The following GSR variants were observed in gnomAD, a reference collection of about 807,000 sequenced individuals.
The protein encoded by GSR is glutathione-disulfide reductase, also known as glutathione reductase, mitochondrial.
Under a neutral mutation model 56.5 loss-of-function variants are expected in GSR, and 48 were observed. The ratio of observed to expected loss-of-function variants is 0.85; its 90% CI spans 0.67 to 1.08. The LOEUF (loss-of-function observed/expected upper bound fraction) is 1.08, where lower values mean the gene tolerates loss of function less well. Among genes scored for constraint, GSR ranks in the 50% least tolerant of loss-of-function variants. The pLI is 0.00. For synonymous variants in GSR, 264 were observed against 270.8 expected (o/e 0.97, Z 0.25); for missense variants, 694 against 703.3 (o/e 0.99, Z 0.15).
chr8:30,696,594 C>A (rs1264459121), intron 6 of GSR, 115 bp from the exon 7 acceptor site: 3 of 745,624 alleles, frequency 4.0e-6, no homozygotes, highest in East Asian at 2.6e-5. Flanking sequence ...ACCCCTTGAT[C>A]AGTTTTCCCT....
At chr8:30,690,831 G>A (rs756618952) in intron 8 of GSR, among the ~76,000 whole-genome samples, 25 of 152,270 alleles carry the variant, frequency 1.6e-4, no homozygotes, top group Non-Finnish European at 2.9e-4. Flanking sequence ...TTGGGAGGCC[G>A]AGGCTAGAGG....
intron 8 of GSR, among the ~76,000 whole-genome samples, chr8:30,689,798 T>C (rs1369159593): frequency 6.9e-6 from 1 of 144,172 alleles, no homozygotes; most frequent in African/African-American, 2.5e-5. Context: ...AATATACGTA[T>C]ATTTATATAT....
chr8:30,697,029 G>C (rs1374020778), intron 6 of GSR, among the ~76,000 whole-genome samples: 3 of 149,028 alleles, frequency 2.0e-5, no homozygotes, highest in Non-Finnish European at 3.0e-5. Flanking sequence ...TTTTTTTTCT[G>C]TTCCAAGATC....
intron 7 of GSR, among the ~76,000 whole-genome samples, chr8:30,695,099 A>G (rs1193558685): frequency 6.6e-6 from 1 of 152,010 alleles, no homozygotes; most frequent in Non-Finnish European, 1.5e-5. Context: ...ATGATCTACA[A>G]GATTCCCTTT....
intron 4 of GSR, among the ~76,000 whole-genome samples, chr8:30,703,950 A>AC (rs1203108501): frequency 6.6e-6 from 1 of 152,094 alleles, no homozygotes; most frequent in African/African-American, 2.4e-5. Context: ...TATGCAAGGC[A>AC]CCCCCGTAAG....
intron 1 of GSR, among the ~76,000 whole-genome samples, chr8:30,720,715 A>C (rs181163533): frequency 6.6e-6 from 1 of 152,332 alleles, no homozygotes; most frequent in Non-Finnish European, 1.5e-5. Context: ...AAAGCAAGAA[A>C]ATCAATGGAT....
At chr8:30,697,937 C>T (rs755838624) in intron 6 of GSR, among the ~76,000 whole-genome samples, 13 of 152,234 alleles carry the variant, frequency 8.5e-5, no homozygotes, top group East Asian at 1.9e-4. Context: ...GAAATTCGCT[C>T]GCCTCAGGCC....
rs540944009 is a variant in GSR at position 30,695,149 on chromosome 8, C to T, written c.795+1231G>A. On this transcript the variant is annotated intron_variant, in intron 7 of 12. Coordinates refer to ENST00000221130, the MANE Select transcript of GSR (RefSeq NM_000637.5). Reference sequence around the variant, plus strand: ...CGACCTGCAGCCTGCAGGCCGTGTGCGGACCAGGATGACTTTGAATGTGGC... The same window carrying T: ...CGACCTGCAGCCTGCAGGCCGTGTGTGGACCAGGATGACTTTGAATGTGGC... Among the ~76,000 whole-genome samples, 14 of 152,178 alleles carry T rather than the reference C, an allele frequency of 9.2e-5. No homozygotes were observed. The East Asian group carries it at 1.4e-3, about 15-fold the overall frequency.
chr8:30,708,891 G>T (rs901875940), intron 3 of GSR, among the ~76,000 whole-genome samples: 1 of 149,968 alleles, frequency 6.7e-6, no homozygotes, highest in Admixed American at 6.6e-5. Flanking sequence ...CCCGGTAGGC[G>T]GAGCGTGCAG....
intron 9 of GSR, among the ~76,000 whole-genome samples, chr8:30,687,245 G>A (rs1803193654): frequency 1.3e-5 from 2 of 152,240 alleles, no homozygotes; most frequent in South Asian, 4.1e-4. Flanking sequence ...TTAACATGCA[G>A]AAAAATGACC....
intron 1 of GSR, among the ~76,000 whole-genome samples, chr8:30,714,854 G>GC (rs1804273853): frequency 1.3e-5 from 2 of 152,140 alleles, no homozygotes; most frequent in African/African-American, 2.4e-5. Flanking sequence ...TTGGAAAACA[G>GC]TTTAATGATC....
intron 1 of GSR, among the ~76,000 whole-genome samples, chr8:30,716,179 G>C (rs1804327643): frequency 6.6e-6 from 1 of 152,212 alleles, no homozygotes; most frequent in Admixed American, 6.5e-5. Flanking sequence ...TACAGTGCCA[G>C]CCAGAGAGAG....
chr8:30,699,350 T>G (rs1053970283), intron 6 of GSR, among the ~76,000 whole-genome samples: 7 of 151,884 alleles, frequency 4.6e-5, no homozygotes, highest in Non-Finnish European at 7.4e-5. Flanking sequence ...GGCTCACATC[T>G]GTAATTCCAG....
At chr8:30,688,037 T>G (rs1803221449) in intron 9 of GSR, among the ~76,000 whole-genome samples, 1 of 152,180 alleles carries the variant, frequency 6.6e-6, no homozygotes, top group Non-Finnish European at 1.5e-5. Context: ...CATTCTAGAT[T>G]TTACTTCAAC....
chr8:30,679,706 CTTTT>C (rs10715710), intron 12 of GSR, 37 bp from the exon 13 acceptor site: 1,214 of 1,299,654 alleles, frequency 9.3e-4, no homozygotes, highest in Non-Finnish European at 1.0e-3. Flanking sequence ...TTTCTTTCTT[CTTTT>C]TTTTTTTTTT....
At chr8:30,701,335 G>T (rs570313324) in intron 5 of GSR, among the ~76,000 whole-genome samples, 2 of 152,104 alleles carry the variant, frequency 1.3e-5, no homozygotes, top group Non-Finnish European at 2.9e-5. Context: ...GTGTGGTGGC[G>T]CATGCCTGTA....
intron 2 of GSR, among the ~76,000 whole-genome samples, chr8:30,711,262 C>T (rs1056010741): frequency 3.3e-5 from 5 of 152,258 alleles, no homozygotes; most frequent in African/African-American, 1.2e-4. Flanking sequence ...GAGATTACAA[C>T]ATATGTTGAA....
chr8:30,696,605 A>G (rs549400183), intron 6 of GSR, 126 bp from the exon 7 acceptor site: 2 of 716,498 alleles, frequency 2.8e-6, no homozygotes, highest in East Asian at 2.7e-5. Flanking sequence ...AGTTTTCCCT[A>G]AAGTTAATAT....
At chr8:30,697,446 C>CAAAA (rs1411949076) in intron 6 of GSR, among the ~76,000 whole-genome samples, 9 of 150,984 alleles carry the variant, frequency 6.0e-5, no homozygotes, top group African/African-American at 2.2e-4. Flanking sequence ...AACAAACAAA[C>CAAAA]AAACAAAAAA....
Sources: gnomAD v4.1 joint callset for allele counts (sites outside exome capture counted in the v4.1 genomes callset) on GRCh38, gnomAD v4.1.1 for gene constraint, MANE v1.5 for transcripts, NCBI Gene and HGNC (gene_info 2026-07-23, HGNC 2026-07-21) for gene names.